LUZP2: variants seen among roughly 807,000 people sequenced by gnomAD.
LUZP2 encodes leucine zipper protein 2.
A neutral mutation model predicts 51.6 loss-of-function variants in LUZP2; 52 were observed. That is an observed-to-expected ratio of 1.01 (90% CI 0.81 to 1.27). LUZP2 has a LOEUF of 1.27. Ranked by LOEUF, LUZP2 falls within the 50% of genes most tolerant of loss-of-function variation. The probability of loss-of-function intolerance (pLI) is 0.00; values close to 1 mark genes in which losing one functional copy is unlikely to be tolerated. For synonymous variants in LUZP2, 154 were observed against 137.3 expected (o/e 1.12, Z -0.85); for missense variants, 436 against 395.4 (o/e 1.10, Z -0.87).
At chr11:24,589,103 C>T (rs930654215) in intron 1 of LUZP2, among the ~76,000 whole-genome samples, 3 of 152,084 alleles carry the variant, frequency 2.0e-5, no homozygotes, top group African/African-American at 7.2e-5. Context: ...TCTCAGAGCT[C>T]ACAATGTCCT....
chr11:25,040,032 A>G (rs1225523872), intron 9 of LUZP2, among the ~76,000 whole-genome samples: 2 of 152,206 alleles, frequency 1.3e-5, no homozygotes, highest in African/African-American at 4.8e-5. Flanking sequence ...CACCCCCTCT[A>G]TATGACTTTA....
intron 9 of LUZP2, among the ~76,000 whole-genome samples, chr11:24,983,773 AG>A (rs1475819985): frequency 6.6e-6 from 1 of 150,790 alleles, no homozygotes; most frequent in African/African-American, 2.4e-5. Flanking sequence ...ATTAAAAAAA[AG>A]CCTTACTCCT....
At chr11:25,072,193 C>G (rs990598457) in intron 10 of LUZP2, among the ~76,000 whole-genome samples, 2 of 152,110 alleles carry the variant, frequency 1.3e-5, no homozygotes, top group Non-Finnish European at 2.9e-5. Flanking sequence ...GAGGTTGCCA[C>G]TGGATGTGAC....
chr11:24,904,931 G>A (rs1350447664), intron 5 of LUZP2, among the ~76,000 whole-genome samples: 1 of 152,124 alleles, frequency 6.6e-6, no homozygotes, highest in Non-Finnish European at 1.5e-5. Flanking sequence ...GATATTCCAT[G>A]CAAATGGAAA....
intron 7 of LUZP2, among the ~76,000 whole-genome samples, chr11:24,970,296 C>A (rs533982061): frequency 5.3e-5 from 8 of 152,228 alleles, no homozygotes; most frequent in African/African-American, 1.9e-4. Context: ...ATTCATGCAG[C>A]ATATTATCAT....
At chr11:25,000,301 C>T (rs751909323) in intron 9 of LUZP2, among the ~76,000 whole-genome samples, 32 of 152,290 alleles carry the variant, frequency 2.1e-4, no homozygotes, top group Non-Finnish European at 3.2e-4. Flanking sequence ...TCCCTCTAAA[C>T]AGGACACCCC....
At chr11:24,802,450 C>T (rs1472984351) in intron 5 of LUZP2, among the ~76,000 whole-genome samples, 1 of 151,744 alleles carries the variant, frequency 6.6e-6, no homozygotes, top group East Asian at 1.9e-4. Context: ...TAACAGATAT[C>T]ACTGCCACTG....
chr11:24,501,508 T>G (rs1849992205), intron 1 of LUZP2, among the ~76,000 whole-genome samples: 1 of 152,244 alleles, frequency 6.6e-6, no homozygotes, highest in Non-Finnish European at 1.5e-5. Flanking sequence ...TAAGAAACTA[T>G]GTGTGCGGCT....
intron 7 of LUZP2, among the ~76,000 whole-genome samples, chr11:24,931,382 T>C (rs970295526): frequency 2.6e-5 from 4 of 152,140 alleles, no homozygotes; most frequent in Non-Finnish European, 5.9e-5. Context: ...AGGGATGGGT[T>C]GCCCCTCCAC....
chr11:24,534,232 TA>T (rs71445495), intron 1 of LUZP2, among the ~76,000 whole-genome samples: 13 of 150,042 alleles, frequency 8.7e-5, no homozygotes, highest in Non-Finnish European at 6.0e-5. Flanking sequence ...CTTCTGAGAT[TA>T]AAAAAAACAA....
intron 5 of LUZP2, among the ~76,000 whole-genome samples, chr11:24,896,405 G>A (rs747100991): frequency 1.6e-4 from 25 of 152,180 alleles, no homozygotes; most frequent in Non-Finnish European, 3.7e-4. Flanking sequence ...GGCGATGCCA[G>A]CTCCAGGCAG....
At chr11:24,725,508 T>G (rs2171259) in intron 1 of LUZP2, among the ~76,000 whole-genome samples, 22,023 of 151,900 alleles carry the variant, frequency 0.14, 2,054 homozygotes, top group South Asian at 0.26. Context: ...ACATAAACTT[T>G]TAAATAACAT....
At chr11:25,006,149 G>T (rs529851476) in intron 9 of LUZP2, among the ~76,000 whole-genome samples, 56 of 152,194 alleles carry the variant, frequency 3.7e-4, no homozygotes, top group African/African-American at 1.3e-3. Flanking sequence ...TGATTGGTGA[G>T]CCCGGGTGCC....
intron 7 of LUZP2, among the ~76,000 whole-genome samples, chr11:24,916,068 A>C (rs1853780529): frequency 6.6e-6 from 1 of 152,048 alleles, no homozygotes; most frequent in South Asian, 2.1e-4. Context: ...TTTACATTTC[A>C]TCCTAAAAAT....
intron 1 of LUZP2, among the ~76,000 whole-genome samples, chr11:24,600,542 G>GT (rs1320735914): frequency 6.6e-6 from 1 of 152,174 alleles, no homozygotes; most frequent in Non-Finnish European, 1.5e-5. Flanking sequence ...AGGAAAGCTT[G>GT]TAACTCAGAG....
chr11:24,993,672 C>T (rs1856415855), intron 9 of LUZP2, among the ~76,000 whole-genome samples: 1 of 152,038 alleles, frequency 6.6e-6, no homozygotes, highest in Non-Finnish European at 1.5e-5. Context: ...GATAGCCACA[C>T]CAGTTTTTAC....
chr11:24,984,641 C>G (rs1206458396), intron 9 of LUZP2, among the ~76,000 whole-genome samples: 1 of 148,370 alleles, frequency 6.7e-6, no homozygotes, highest in Non-Finnish European at 1.5e-5. Flanking sequence ...ATTAATATAT[C>G]AGTACCCCCA....
intron 5 of LUZP2, chr11:24,893,364 AAAAC>A (rs1399698241): frequency 6.6e-6 from 1 of 152,150 alleles, no homozygotes; most frequent in Admixed American, 6.6e-5. Flanking sequence ...CACACAGAAA[AAAAC>A]AAAAGTAGCA....
At position 24,571,274 on chromosome 11, in the gene LUZP2, T is replaced by C. The variant is rs1172016517; in HGVS notation, c.62+73969T>C. 8.8e-5 allele frequency among the ~76,000 whole-genome samples: 5 copies of C among 56,952 alleles called. No individual in the cohort carries two copies. In the Admixed American group the frequency reaches 9.2e-4, roughly 11 times the overall value. The allele number at this position is 56,952 out of a possible 152,430, so 37.4% of individuals were successfully genotyped here. ...GCTCTAAGAGGCTGTCATTTTTGCT[T>C]TCCTGGCTGTGGAAGATGTTGCTAA... On this transcript the variant is annotated intron_variant, in intron 1 of 11. Transcript: ENST00000336930.
Sources: allele counts gnomAD v4.1 joint callset (sites outside exome capture counted in the v4.1 genomes callset), GRCh38; gene constraint gnomAD v4.1.1; transcripts MANE v1.5; gene names NCBI Gene and HGNC (gene_info 2026-07-23, HGNC 2026-07-21).